Variants in SGCG observed in about 807,000 individuals in gnomAD.
SGCG encodes gamma-sarcoglycan.
In SGCG, 26 loss-of-function variants were observed where a neutral mutation model predicts 29.3. That is an observed-to-expected ratio of 0.89 (90% CI 0.65 to 1.23). The LOEUF is 1.23. SGCG is among the 50% of genes most tolerant of loss of function. The pLI is 0.00. For synonymous variants in SGCG, 145 were observed against 129.7 expected (o/e 1.12, Z -0.80); for missense variants, 353 against 356.0 (o/e 0.99, Z 0.07).
chr13:23,251,903 T>C (rs979059631), intron 4 of SGCG, among the ~76,000 whole-genome samples: 7 of 145,576 alleles, frequency 4.8e-5, no homozygotes, highest in African/African-American at 1.7e-4. Flanking sequence ...AATGGTACTT[T>C]TACAAAACAG....
chr13:23,269,186 A>C (rs1261317781), intron 4 of SGCG: 1 of 152,226 alleles, frequency 6.6e-6, no homozygotes, highest in African/African-American at 2.4e-5. Flanking sequence ...TCCAAGGATA[A>C]TGCTGAATTT....
rs1287129759 is a variant in SGCG at position 23,279,583 on chromosome 13, G to A, written c.505+105G>A. 67 of 1,158,956 alleles carry A rather than the reference G, an allele frequency of 5.8e-5. 1 individual carries two copies. The East Asian group carries it at 1.8e-3, about 31-fold the overall frequency. 71.8% of individuals were successfully genotyped at this position (1,158,956 alleles called of 1,614,324 possible). ...TGTGGAATCTTTCAAGCAGATAAGA[G>A]AGTTTGAATGTGTTGCATTTTCTCC... On this transcript the variant is annotated intron_variant, in intron 5 of 7. Transcript: ENST00000218867.
intron 4 of SGCG, chr13:23,269,113 C>A (rs1288926264): frequency 6.6e-6 from 1 of 152,044 alleles, no homozygotes; most frequent in African/African-American, 2.4e-5. Flanking sequence ...CAACTGGCAC[C>A]ATGAGATGTA....
At chr13:23,271,670 T>TA (rs1443712616) in intron 4 of SGCG, among the ~76,000 whole-genome samples, 1 of 152,228 alleles carries the variant, frequency 6.6e-6, no homozygotes, top group Non-Finnish European at 1.5e-5. Context: ...TGTTTGTTTT[T>TA]ACATATGAAC....
At chr13:23,292,119 C>CTTTTTTTTTTT (rs71100167) in intron 5 of SGCG, among the ~76,000 whole-genome samples, 2 of 147,464 alleles carry the variant, frequency 1.4e-5, no homozygotes, top group Non-Finnish European at 3.0e-5. Flanking sequence ...ACATTTCTTT[C>CTTTTTTTTTTT]TTTTTTTTGA....
At chr13:23,318,902 A>G in intron 6 of SGCG, among the ~76,000 whole-genome samples, 1 of 152,256 alleles carries the variant, frequency 6.6e-6, no homozygotes, top group East Asian at 1.9e-4. Flanking sequence ...TCAAGGTCAC[A>G]GATAGTTTGC....
chr13:23,163,218 A>C, the SGCG span, among the ~76,000 whole-genome samples: 1 of 152,246 alleles, frequency 6.6e-6, no homozygotes, highest in Non-Finnish European at 1.5e-5. Context: ...ACATCTTCAA[A>C]ATTAGGAAAT....
At chr13:23,220,190 C>T (rs1878603587) in intron 2 of SGCG, among the ~76,000 whole-genome samples, 1 of 151,906 alleles carries the variant, frequency 6.6e-6, no homozygotes, top group African/African-American at 2.4e-5. Flanking sequence ...CAGTGGCTCA[C>T]GTCTGTAATC....
chr13:23,222,552 G>A (rs565189693), intron 2 of SGCG, among the ~76,000 whole-genome samples: 23 of 152,114 alleles, frequency 1.5e-4, no homozygotes, highest in Non-Finnish European at 2.6e-4. Flanking sequence ...TTGGCCAGGC[G>A]CAGTGGCTCA....
chr13:23,165,576 G>A, the SGCG span, among the ~76,000 whole-genome samples: 3 of 151,110 alleles, frequency 2.0e-5, no homozygotes. Flanking sequence ...CCTGGCTGGA[G>A]TGCAGTGGCA....
At chr13:23,302,247 TCCA>T (rs1455300579) in intron 6 of SGCG, among the ~76,000 whole-genome samples, 2 of 151,234 alleles carry the variant, frequency 1.3e-5, no homozygotes, top group Non-Finnish European at 2.9e-5. Flanking sequence ...ATCCTATTTC[TCCA>T]CAAGAAATAT....
At chr13:23,273,940 C>T (rs1210976897) in intron 4 of SGCG, among the ~76,000 whole-genome samples, 1 of 152,096 alleles carries the variant, frequency 6.6e-6, no homozygotes, top group African/African-American at 2.4e-5. Flanking sequence ...TCCACTTGAC[C>T]TGTCTTGTAC....
At chr13:23,317,005 G>A (rs1178186541) in intron 6 of SGCG, among the ~76,000 whole-genome samples, 6 of 152,142 alleles carry the variant, frequency 3.9e-5, no homozygotes, top group Admixed American at 6.5e-5. Flanking sequence ...AGGAGATTGA[G>A]ACCATCCTGG....
intron 4 of SGCG, among the ~76,000 whole-genome samples, chr13:23,252,573 C>T (rs1445140054): frequency 2.0e-5 from 3 of 152,068 alleles, no homozygotes; most frequent in Non-Finnish European, 4.4e-5. Context: ...CGCCTGTAGT[C>T]TCAGCTACTT....
chr13:23,276,431 C>CTTTTTTTTTTTTTTTTTTTTTTT (rs71100165), intron 4 of SGCG, among the ~76,000 whole-genome samples: 8 of 102,336 alleles, frequency 7.8e-5, no homozygotes, highest in Middle Eastern at 0.012. Context: ...TTTTAGTTTT[C>CTTTTTTTTTTTTTTTTTTTTTTT]TTTTTTTTTT....
chr13:23,248,428 G>A (rs1334509934), intron 3 of SGCG, among the ~76,000 whole-genome samples: 1 of 152,174 alleles, frequency 6.6e-6, no homozygotes, highest in Non-Finnish European at 1.5e-5. Flanking sequence ...CTGGCCAGGC[G>A]CGGTGGCTCA....
chr13:23,223,742 C>A (rs998632630), intron 2 of SGCG, among the ~76,000 whole-genome samples: 2 of 152,056 alleles, frequency 1.3e-5, no homozygotes, highest in African/African-American at 4.8e-5. Flanking sequence ...CTGAGGAGGG[C>A]AGATCATGAG....
intron 4 of SGCG, among the ~76,000 whole-genome samples, chr13:23,273,902 C>T (rs538361018): frequency 6.6e-6 from 1 of 152,252 alleles, no homozygotes; most frequent in Admixed American, 6.5e-5. Context: ...TTGTTGAGTT[C>T]TTTTTAGGTC....
chr13:23,323,877 G>C (rs565921488), intron 7 of SGCG, among the ~76,000 whole-genome samples: 1 of 152,192 alleles, frequency 6.6e-6, no homozygotes, highest in Admixed American at 6.5e-5. Context: ...TTATTAAGAT[G>C]AATCTATTCT....
Sources: allele counts gnomAD v4.1 joint callset (sites outside exome capture counted in the v4.1 genomes callset), GRCh38; gene constraint gnomAD v4.1.1; transcripts MANE v1.5; gene names NCBI Gene and HGNC (gene_info 2026-07-23, HGNC 2026-07-21).